Variants in ZNF766 observed in about 807,000 individuals in gnomAD.
ZNF766 encodes zinc finger protein 766.
A neutral mutation model predicts 13.2 loss-of-function variants in ZNF766; 13 were observed. That is an observed-to-expected ratio of 0.98 (90% confidence interval 0.64 to 1.56). The LOEUF (loss-of-function observed/expected upper bound fraction) is 1.56, where lower values mean the gene tolerates loss of function less well. ZNF766 is among the 40% of genes most tolerant of loss of function. The pLI, the probability that ZNF766 is intolerant of heterozygous loss-of-function variation, is 0.00. For missense variants in ZNF766, 521 were observed against 552.2 expected, an observed-to-expected ratio of 0.94 and a Z score of 0.57; for synonymous variants, 178 against 187.6, an observed-to-expected ratio of 0.95 and a Z score of 0.42.
chr19:52,292,214 G>A lies in ZNF766; in HGVS notation c.*1016G>A, dbSNP rs572354826. The stretch of plus-strand genomic sequence containing the variant: ...GGGCTGACTTCATTAGATGAGGAGC[G>A]TTTCTATCCAGTTTCCTGGAGGAAT... On this transcript the variant is annotated 3_prime_UTR_variant, in exon 4 of 4. Coordinates refer to ENST00000439461, the MANE Select transcript of ZNF766 (RefSeq NM_001010851.3). The A allele has an allele frequency of 1.7e-5, 12 of 701,184 alleles. No homozygotes were observed. The highest frequency in any genetic ancestry group is 1.3e-4 in the East Asian group (5 of 37,196). 43.4% of individuals were successfully genotyped at this position (701,184 alleles called of 1,614,324 possible). A position where few individuals can be genotyped will look rare whatever the true frequency, so the allele number is the denominator to read the frequency against.
At chr19:52,288,021 CT>C (rs1340688656) in intron 3 of ZNF766, 1 of 423,194 alleles carries the variant, frequency 2.4e-6, no homozygotes, top group Non-Finnish European at 4.6e-6. Context: ...TCATTTTTTT[CT>C]TTTTCTTTTT....
chr19:52,271,246 T>C (rs918326601), intron 1 of ZNF766, among the ~76,000 whole-genome samples: 4 of 152,160 alleles, frequency 2.6e-5, no homozygotes, highest in African/African-American at 9.7e-5. Flanking sequence ...GTTAATTTTA[T>C]CCATATCTGA....
At chr19:52,279,155 G>A (rs1013615633) in intron 1 of ZNF766, among the ~76,000 whole-genome samples, 6 of 152,112 alleles carry the variant, frequency 3.9e-5, no homozygotes, top group African/African-American at 1.4e-4. Flanking sequence ...GCTTGTTTTT[G>A]TCAGCTTTGT....
At position 52,290,886 on chromosome 19, in the gene ZNF766, G is replaced by T. The variant is rs753327829; in HGVS notation, c.1095G>T (p.Arg365Ser). The T allele has an allele frequency of 5.0e-6, 8 of 1,613,812 alleles. No individual in the cohort carries two copies. The highest frequency in any genetic ancestry group is 5.9e-6 in the Non-Finnish European group (7 of 1,179,970). ...GTAAAGAATGTGACAAAGCTTTTAG[G>T]CACAAGTTCTCCCTGACAGTTCATC... ...YKCKECDKAFRHKFSLTVHQR... is the reference protein window; with the variant it reads ...YKCKECDKAFSHKFSLTVHQR... The change falls in exon 4 of 4, where the codon AGG becomes AGT. Residue 365 changes from arginine to serine, a missense_variant. Transcript: ENST00000439461.
In ZNF766 at chr19:52,291,927, G is replaced by A; in HGVS notation, c.*729G>A. On this transcript the variant is annotated 3_prime_UTR_variant, in exon 4 of 4. Transcript: ENST00000439461. ...CATCCCTACAAAATAAAAAAAATAA[G>A]CCAGGCCCTTGGCATGTGTCTGTAG... The A allele has an allele frequency of 3.8e-6, 2 of 522,532 alleles. No individual in the cohort carries two copies. Among genetic ancestry groups the A allele is most frequent in the East Asian group, 3.1e-5 (1 of 32,114 alleles). The allele number at this position is 522,532 out of a possible 1,614,324, so 32.4% of individuals were successfully genotyped here. A position where few individuals can be genotyped will look rare whatever the true frequency, so the allele number is the denominator to read the frequency against.
Position 52,290,482 on chromosome 19 carries a change from G to C in ZNF766, c.691G>C (p.Ala231Pro). ...AACCGTCAGGGACAAGTCAGGCCTC[G>C]CAGAACATTGGAGAATTCGTACAGG... ...GKTVRDKSGL[A>P]EHWRIRTGEK... Residue 231 changes from alanine (A) to proline (P), a missense_variant, in exon 4 of 4, where the codon GCA becomes CCA. By Grantham distance (27) the Ala-to-Pro change is conservative. Transcript: ENST00000439461. 1 of 1,613,938 alleles carries C rather than the reference G, an allele frequency of 6.2e-7. No individual in the cohort carries two copies. The highest frequency in any genetic ancestry group is 2.2e-5 in the East Asian group (1 of 44,888).
chr19:52,292,308 A>G lies in ZNF766; in HGVS notation c.*1110A>G. The G allele has an allele frequency of 1.6e-6, 1 of 642,640 alleles. No homozygotes were observed. Among genetic ancestry groups the G allele is most frequent in the South Asian group, 1.7e-5 (1 of 57,738 alleles). 39.8% of individuals were successfully genotyped at this position (642,640 alleles called of 1,614,324 possible). A position where few individuals can be genotyped will look rare whatever the true frequency, so the allele number is the denominator to read the frequency against. On this transcript the variant is annotated 3_prime_UTR_variant, in exon 4 of 4. Transcript: ENST00000439461. ...CCATGGAGGTGGACAGAGAATAACA[A>G]AACCGTGATGGCAGTCATCATGCTT...
chr19:52,270,157 G>A (rs1190051197), intron 1 of ZNF766, among the ~76,000 whole-genome samples: 1 of 152,040 alleles, frequency 6.6e-6, no homozygotes, highest in African/African-American at 2.4e-5. Context: ...ACCTATCTCA[G>A]GGCACCCAGT....
Position 52,290,674 on chromosome 19 carries a change from A to G in ZNF766, c.883A>G (p.Arg295Gly). 6.2e-7 allele frequency: 1 copy of G among 1,613,634 alleles called. No homozygotes were observed. Among genetic ancestry groups the G allele is most frequent in the Non-Finnish European group, 8.5e-7 (1 of 1,179,742 alleles). Residue 295 changes from arginine to glycine, a missense_variant, in exon 4 of 4, where the codon AGA becomes GGA. By Grantham distance (125) the Arg-to-Gly change is moderately radical. Coordinates refer to ENST00000439461, the MANE Select transcript of ZNF766 (RefSeq NM_001010851.3). ...YLVRHQKIHT[R>G]EKPHKCNKCG... ...TGTACGACATCAGAAAATTCATACT[A>G]GAGAGAAACCTCATAAATGTAACAA...
Position 52,290,825 on chromosome 19 carries a change from A to G in ZNF766, c.1034A>G (p.His345Arg). The G allele has an allele frequency of 6.2e-7, 1 of 1,614,104 alleles. No homozygotes were observed. Among genetic ancestry groups the G allele is most frequent in the South Asian group, 1.1e-5 (1 of 91,076 alleles). The change falls in exon 4 of 4, where the codon CAT (histidine) becomes CGT (arginine). Residue 345 changes from histidine (H) to arginine (R), a missense_variant. By Grantham distance (29) the His-to-Arg change is conservative. Transcript: ENST00000439461. ...EFSGHSSLTT[H>R]LLIHTGEKPY... ...AGTGGGCATTCAAGCCTCACCACCC[A>G]TCTGTTAATCCACACTGGAGAGAAA...
chr19:52,271,980 CAAAAAA>C (rs371229113), intron 1 of ZNF766, among the ~76,000 whole-genome samples: 6 of 89,190 alleles, frequency 6.7e-5, no homozygotes, highest in African/African-American at 1.3e-4. Context: ...GAGACTGTCT[CAAAAAA>C]AAAAAAAAAA....
At position 52,292,300 on chromosome 19, in the gene ZNF766, GA is replaced by G; in HGVS notation, c.*1104del. ...TTTAGAGACCATGGAGGTGGACAGA[GA>G]ATAACAAAACCGTGATGGCAGTCAT... On this transcript the variant is annotated 3_prime_UTR_variant, in exon 4 of 4. Coordinates refer to ENST00000439461, the MANE Select transcript of ZNF766 (RefSeq NM_001010851.3). 3 of 649,366 alleles carry G rather than the reference GA, an allele frequency of 4.6e-6. No homozygotes were observed. The highest frequency in any genetic ancestry group is 8.3e-6 in the Non-Finnish European group (3 of 362,324). The allele number at this position is 649,366 out of a possible 1,614,324, so 40.2% of individuals were successfully genotyped here.
Position 52,290,974 on chromosome 19 carries a change from G to A in ZNF766, c.1183G>A (p.Val395Ile), listed in dbSNP as rs1982113521. ...TGAATGTGGCAAAGTCTTCACTCAAGTTTCACATCTTGCACGACATCAGAA... is the reference window on the plus strand; with the variant it reads ...TGAATGTGGCAAAGTCTTCACTCAAATTTCACATCTTGCACGACATCAGAA... ...CHECGKVFTQ[V>I]SHLARHQKIH... is the part of the protein sequence containing the mutation. The change falls in exon 4 of 4, where the codon GTT (valine) becomes ATT (isoleucine). Residue 395 changes from valine to isoleucine, a missense_variant. Coordinates refer to ENST00000439461, the MANE Select transcript of ZNF766 (RefSeq NM_001010851.3). 4 of 1,612,894 alleles carry A rather than the reference G, an allele frequency of 2.5e-6. No individual in the cohort carries two copies. The highest frequency in any genetic ancestry group is 1.6e-4 in the Middle Eastern group (1 of 6,070).
At chr19:52,270,583 CAAG>C (rs1308217081) in intron 1 of ZNF766, among the ~76,000 whole-genome samples, 4 of 151,814 alleles carry the variant, frequency 2.6e-5, no homozygotes, top group Admixed American at 6.6e-5. Context: ...CAGCCGGTGA[CAAG>C]GAGGGCAAAG....
At chr19:52,285,036 G>A (rs321907) in intron 3 of ZNF766, 32,790 of 151,900 alleles carry the variant, frequency 0.22, 3,727 homozygotes, top group East Asian at 0.3. Flanking sequence ...TGACAATTCT[G>A]TGCTTCTAAC....
intron 3 of ZNF766, among the ~76,000 whole-genome samples, chr19:52,285,510 A>T (rs1253467597): frequency 6.6e-6 from 1 of 152,204 alleles, no homozygotes; most frequent in South Asian, 2.1e-4. Flanking sequence ...ACTCAGGTTT[A>T]CCGGTTTATT....
intron 1 of ZNF766, chr19:52,281,801 A>G (rs1981535245): frequency 1.9e-6 from 1 of 520,672 alleles, no homozygotes; most frequent in Non-Finnish European, 4.0e-6. Context: ...CGACACACCA[A>G]GTGATATTCA....
chr19:52,286,123 C>G (rs2122485185), intron 3 of ZNF766, among the ~76,000 whole-genome samples: 1 of 150,478 alleles, frequency 6.6e-6, no homozygotes, highest in Admixed American at 6.6e-5. Flanking sequence ...CAAGAAAGAC[C>G]TGGATCCCGG....
rs372902976 is a variant in ZNF766, at chr19:52,283,336, A to C, written c.197A>C (p.Glu66Ala). The part of the protein sequence containing the change: ...SIISMMKQRT[E>A]PWTVENEMKV... ...ATCTCCATGATGAAGCAAAGGACAG[A>C]GCCCTGGACTGTGGAGAATGAAATG... The change falls in exon 3 of 4, where the codon GAG becomes GCG. Residue 66 changes from glutamate to alanine, a missense_variant. Physicochemically the swap from Glu to Ala is moderately radical, Grantham distance 107. Coordinates refer to ENST00000439461, the MANE Select transcript of ZNF766 (RefSeq NM_001010851.3). 36 of 1,613,662 alleles carry C rather than the reference A, an allele frequency of 2.2e-5. No homozygotes were observed. Among genetic ancestry groups the C allele is most frequent in the Non-Finnish European group, 3.1e-5 (36 of 1,179,808 alleles).
Sources: allele counts gnomAD v4.1 joint callset (sites outside exome capture counted in the v4.1 genomes callset), GRCh38; gene constraint gnomAD v4.1.1; transcripts MANE v1.5; gene names NCBI Gene and HGNC (gene_info 2026-07-23, HGNC 2026-07-21).